HNRNPU: variants seen among roughly 807,000 people sequenced by gnomAD.
The protein encoded by HNRNPU is HNRNPU antisense RNA 1.
HNRNPU carries 5 observed loss-of-function variants against 94.7 expected under a neutral mutation model. That is an observed-to-expected ratio of 0.05 (90% CI 0.03 to 0.11). HNRNPU has a LOEUF of 0.11. HNRNPU is among the 10% of genes least tolerant of loss of function. HNRNPU has a pLI of 1.00. For missense variants in HNRNPU, 710 were observed against 1,049.2 expected (o/e 0.68, Z 4.47); for synonymous variants, 434 against 381.6 (o/e 1.14, Z -1.60).
Position 244,856,828 on chromosome 1 carries a change from T to C in HNRNPU, c.1643A>G (p.Asp548Gly), listed in dbSNP as rs1680694121. Reference sequence around the variant, plus strand: ...CAACAGTGTGTTCAGTTTTCCAGTATCTGCCATTTGCTTCTTAAAACCTGC... The same window carrying C: ...CAACAGTGTGTTCAGTTTTCCAGTACCTGCCATTTGCTTCTTAAAACCTGC... The part of the protein sequence containing the change: ...MVAGFKKQMA[D>G]TGKLNTLLQR... Residue 548 changes from aspartate to glycine, a missense_variant, in exon 9 of 14, where the codon GAT becomes GGT. Transcript: ENST00000640218. 1.2e-6 allele frequency: 2 copies of C among 1,606,656 alleles called. No homozygotes were observed.
Position 244,858,902 on chromosome 1 carries a change from T to C in HNRNPU, c.1118-61A>G, listed in dbSNP as rs1008499367. On this transcript the variant is annotated intron_variant, in intron 5 of 13. Transcript: ENST00000640218. Reference sequence around the variant, plus strand: ...TAAAATAGTCCAAAGACTCATCTATTTTACTACTTAAGATGTAGGCTACAA... The same window carrying C: ...TAAAATAGTCCAAAGACTCATCTATCTTACTACTTAAGATGTAGGCTACAA... The C allele has an allele frequency of 6.3e-6, 5 of 789,948 alleles. No homozygotes were observed. The Admixed American group carries it at 6.9e-5, about 11-fold the overall frequency. 48.9% of individuals were successfully genotyped at this position (789,948 alleles called of 1,614,324 possible).
chr1:244,860,803 AT>A (rs1227652192), intron 3 of HNRNPU: 1 of 319,628 alleles, frequency 3.1e-6, no homozygotes, highest in African/African-American at 2.1e-5. Flanking sequence ...GCAGTAGAGG[AT>A]AGCAGGAAAT....
Position 244,854,441 on chromosome 1 carries a change from T to G in HNRNPU, c.*9A>C. 6.4e-7 allele frequency: 1 copy of G among 1,560,816 alleles called. No homozygotes were observed. The highest frequency in any genetic ancestry group is 8.8e-7 in the Non-Finnish European group (1 of 1,132,154). On this transcript the variant is annotated 3_prime_UTR_variant, in exon 14 of 14. Coordinates refer to ENST00000640218, the MANE Select transcript of HNRNPU (RefSeq NM_031844.3). ...GAGAAATATGTATCAGTTCGTTTTA[T>G]TTGGGTATTCAATAATATCCTTGGT...
rs1230825145 is a variant in HNRNPU, at chr1:244,857,875, G to T, written c.1494+136C>A. ...GAAAGATTAACAGTCAACATAAGGG[G>T]GAAACAATTACTTAAGAGCAATATG... On this transcript the variant is annotated intron_variant, in intron 7 of 13. Transcript: ENST00000640218. 8 of 1,293,930 alleles carry T rather than the reference G, an allele frequency of 6.2e-6. No homozygotes were observed. In the East Asian group the frequency reaches 1.4e-4, roughly 23 times the overall value. The allele number at this position is 1,293,930 out of a possible 1,614,324, so 80.2% of individuals were successfully genotyped here. A position where few individuals can be genotyped will look rare whatever the true frequency, so the allele number is the denominator to read the frequency against.
chr1:244,864,127 C>T lies in HNRNPU; in HGVS notation c.181G>A (p.Asp61Asn), dbSNP rs758647161. 7 of 1,599,544 alleles carry T rather than the reference C, an allele frequency of 4.4e-6. No individual in the cohort carries two copies. Among genetic ancestry groups the T allele is most frequent in the Non-Finnish European group, 6.0e-6 (7 of 1,173,280 alleles). Reference sequence around the variant, plus strand: ...CGCCCAGCGGAATCCCCGCCCAGGTCTAGGCTGCCGTTCCCGGGCTCCATG... The same window carrying T: ...CGCCCAGCGGAATCCCCGCCCAGGTTTAGGCTGCCGTTCCCGGGCTCCATG... The part of the protein sequence containing the change: ...PAMEPGNGSL[D>N]LGGDSAGRSG... The change falls in exon 1 of 14, where the codon GAC (aspartate) becomes AAC (asparagine). Residue 61 changes from aspartate (D) to asparagine (N), a missense_variant. Asp to Asn is a conservative substitution (Grantham distance 23). Transcript: ENST00000640218.
At chr1:244,860,269 C>G (rs1273046501) in intron 4 of HNRNPU, 66 bp downstream of exon 4, 1 of 1,450,956 alleles carries the variant, frequency 6.9e-7, no homozygotes, top group South Asian at 1.3e-5. Context: ...CCACGGCAAT[C>G]CAGCCTAGGG....
chr1:244,858,718 C>G lies in HNRNPU; in HGVS notation c.1230+11G>C, dbSNP rs1680746196. The stretch of plus-strand genomic sequence containing the variant: ...TTGCCATTTATACATAGAAAGTTAG[C>G]TTTAACTTACAGCAAAACATGTAAT... On this transcript the variant is annotated intron_variant, in intron 6 of 13. Transcript: ENST00000640218. The G allele has an allele frequency of 6.9e-7, 1 of 1,441,698 alleles. No homozygotes were observed. The highest frequency in any genetic ancestry group is 9.7e-7 in the Non-Finnish European group (1 of 1,025,728). The allele number at this position is 1,441,698 out of a possible 1,614,324, so 89.3% of individuals were successfully genotyped here. A position where few individuals can be genotyped will look rare whatever the true frequency, so the allele number is the denominator to read the frequency against.
chr1:244,860,330 T>C lies in HNRNPU; in HGVS notation c.1017+5A>G, dbSNP rs1236536249. 6.2e-7 allele frequency: 1 copy of C among 1,607,316 alleles called. No homozygotes were observed. Among genetic ancestry groups the C allele is most frequent in the East Asian group, 2.2e-5 (1 of 44,778 alleles). ...CAAACAAACAAATCATAAAATTGCA[T>C]TTACCTTCATCTCAAAACACACTTT... On this transcript the variant is annotated splice_donor_5th_base_variant and intron_variant, in intron 4 of 13. Transcript: ENST00000640218.
Position 244,864,510 on chromosome 1 carries a change from A to C in HNRNPU, c.-203T>G, listed in dbSNP as rs1006842472. The C allele has an allele frequency of 8.2e-6, 7 of 848,690 alleles. No individual in the cohort carries two copies. The highest frequency in any genetic ancestry group is 1.8e-5 in the African/African-American group (1 of 55,104). The allele number at this position is 848,690 out of a possible 1,614,324, so 52.6% of individuals were successfully genotyped here. ...CCGAGTTCGCGAGGGAGACGCGGAG[A>C]CTCGCCTGGCGCGAGCGAGCACGCA... On this transcript the variant is annotated 5_prime_UTR_variant, in exon 1 of 14. Coordinates refer to ENST00000640218, the MANE Select transcript of HNRNPU (RefSeq NM_031844.3).
Position 244,858,744 on chromosome 1 carries a change from C to T in HNRNPU, c.1215G>A (p.Val405=), listed in dbSNP as rs147232928. The change falls in exon 6 of 14, where the codon GTG becomes GTA. Residue 405 remains valine (V), a synonymous_variant. Transcript: ENST00000640218. ...TTTAACTTACAGCAAAACATGTAAT[C>T]ACATCATTTTCATCAAACTTTTCTC... ...DYGEKFDEND[V]ITCFANFESD... is the part of the protein sequence containing the mutation. The T allele has an allele frequency of 2.3e-3, 3,660 of 1,571,030 alleles. 7 individuals carry two copies. The highest frequency in any genetic ancestry group is 6.0e-3 in the Middle Eastern group (36 of 5,968).
At position 244,851,887 on chromosome 1, in the gene HNRNPU, C is replaced by T. The variant is rs1680558754; in HGVS notation, c.*2563G>A. On this transcript the variant is annotated 3_prime_UTR_variant, in exon 14 of 14. Coordinates refer to ENST00000640218, the MANE Select transcript of HNRNPU (RefSeq NM_031844.3). ...TATCTCATAGCAGTTTTAGTTTTCT[C>T]AAATTCTATGCTGTTTTTGTACTAC... The T allele has an allele frequency of 6.6e-6, 1 of 152,156 alleles. No homozygotes were observed. The highest frequency in any genetic ancestry group is 2.1e-4 in the South Asian group (1 of 4,830). 9.4% of individuals were successfully genotyped at this position (152,156 alleles called of 1,614,324 possible). A position where few individuals can be genotyped will look rare whatever the true frequency, so the allele number is the denominator to read the frequency against.
intron 12 of HNRNPU, 60 bp downstream of exon 12, chr1:244,855,364 A>C: frequency 1.3e-6 from 2 of 1,514,066 alleles, no homozygotes; most frequent in Non-Finnish European, 1.8e-6. Context: ...CATAAAGCTC[A>C]CACCTTTCCA....
chr1:244,859,018 T>C (rs1558187968), intron 5 of HNRNPU, 177 bp from the exon 6 acceptor site: 2 of 591,068 alleles, frequency 3.4e-6, no homozygotes, highest in African/African-American at 1.9e-5. Flanking sequence ...GAGGGATATA[T>C]ACGCAGAGAC....
intron 3 of HNRNPU, 61 bp downstream of exon 3, chr1:244,862,395 TAAAAA>T (rs56937404): frequency 3.8e-5 from 30 of 798,288 alleles, no homozygotes; most frequent in Admixed American, 5.9e-5. Context: ...TTAAGACTTC[TAAAAA>T]AAAAAAAAAA....
At chr1:244,857,461 G>C (rs752368033) in intron 8 of HNRNPU, 137 bp downstream of exon 8, 2 of 826,758 alleles carry the variant, frequency 2.4e-6, no homozygotes, top group South Asian at 1.9e-5. Context: ...TGGCCAGGTG[G>C]GTCTCAAACT....
chr1:244,856,329 G>A, intron 10 of HNRNPU, 128 bp downstream of exon 10: 1 of 1,198,178 alleles, frequency 8.3e-7, no homozygotes, highest in African/African-American at 1.5e-5. Context: ...AGTATTGCTG[G>A]AAAAAATGTT....
Position 244,854,374 on chromosome 1 carries a change from T to C in HNRNPU, c.*76A>G, listed in dbSNP as rs1680622327. On this transcript the variant is annotated 3_prime_UTR_variant, in exon 14 of 14. Transcript: ENST00000640218. The stretch of plus-strand genomic sequence containing the variant: ...TCCTCTTGTGGAATGTTTAAAAAGT[T>C]AGCCTACTAAAGAAAACAGTCGACT... The C allele has an allele frequency of 2.0e-6, 2 of 975,988 alleles. No individual in the cohort carries two copies. Among genetic ancestry groups the C allele is most frequent in the Admixed American group, 1.8e-5 (1 of 55,872 alleles). The allele number at this position is 975,988 out of a possible 1,614,324, so 60.5% of individuals were successfully genotyped here. A position where few individuals can be genotyped will look rare whatever the true frequency, so the allele number is the denominator to read the frequency against.
Position 244,851,679 on chromosome 1 carries a change from A to T in HNRNPU, c.*2771T>A, listed in dbSNP as rs1053160057. 8.5e-5 allele frequency: 13 copies of T among 152,168 alleles called. No homozygotes were observed. Among genetic ancestry groups the T allele is most frequent in the African/African-American group, 3.1e-4 (13 of 41,438 alleles). 9.4% of individuals were successfully genotyped at this position (152,168 alleles called of 1,614,324 possible). ...GAGAGCTTGTTTTTATGTATTTAAG[A>T]GTTTCCTCTTGTCATTTCAATGTCA... is the stretch of plus-strand genomic sequence containing the variant. On this transcript the variant is annotated 3_prime_UTR_variant, in exon 14 of 14. Coordinates refer to ENST00000640218, the MANE Select transcript of HNRNPU (RefSeq NM_031844.3).
chr1:244,863,268 A>C lies in HNRNPU; in HGVS notation c.691+349T>G, dbSNP rs1164243051. The stretch of plus-strand genomic sequence containing the variant: ...ACATGTGCCCGCACCGCGCGCACGC[A>C]GCGCGACGGCGCCACCGCGGGCCGA... On this transcript the variant is annotated intron_variant, in intron 1 of 13. Coordinates refer to ENST00000640218, the MANE Select transcript of HNRNPU (RefSeq NM_031844.3). Among the ~76,000 whole-genome samples, 13 of 135,802 alleles carry C rather than the reference A, an allele frequency of 9.6e-5. No individual in the cohort carries two copies. The East Asian group carries it at 2.4e-3, about 25-fold the overall frequency. The allele number at this position is 135,802 out of a possible 152,430, so 89.1% of individuals were successfully genotyped here. A position where few individuals can be genotyped will look rare whatever the true frequency, so the allele number is the denominator to read the frequency against.
Sources: gnomAD v4.1 joint callset for allele counts (sites outside exome capture counted in the v4.1 genomes callset) on GRCh38, gnomAD v4.1.1 for gene constraint, MANE v1.5 for transcripts, NCBI Gene and HGNC (gene_info 2026-07-23, HGNC 2026-07-21) for gene names.